The following C12orf42 variants were observed in gnomAD, a reference collection of about 807,000 sequenced individuals.
C12orf42 encodes the protein chromosome 12 open reading frame 42, also known as uncharacterized protein C12orf42.
C12orf42 carries 25 observed loss-of-function variants against 21.6 expected under a neutral mutation model. The ratio of observed to expected loss-of-function variants is 1.16; its 90% CI spans 0.84 to 1.62. C12orf42 has a LOEUF of 1.62. Ranked by LOEUF, C12orf42 falls within the 40% of genes most tolerant of loss-of-function variation. The pLI, the probability that C12orf42 is intolerant of heterozygous loss-of-function variation, is 0.00. For synonymous variants in C12orf42, 174 were observed against 175.0 expected, an observed-to-expected ratio of 0.99 and a Z score of 0.05; for missense variants, 483 against 459.3, an observed-to-expected ratio of 1.05 and a Z score of -0.47.
intron 4 of C12orf42, among the ~76,000 whole-genome samples, chr12:103,323,191 T>C (rs2040354660): frequency 6.6e-6 from 1 of 152,196 alleles, no homozygotes; most frequent in Non-Finnish European, 1.5e-5. Context: ...TTCTGGCCTT[T>C]TCCTGCTGTA....
intron 3 of C12orf42, among the ~76,000 whole-genome samples, chr12:103,400,046 T>C (rs1197980919): frequency 6.6e-6 from 1 of 152,134 alleles, no homozygotes; most frequent in Admixed American, 6.5e-5. Flanking sequence ...ATTTTAAAGA[T>C]ATACATCTTA....
intron 5 of C12orf42, among the ~76,000 whole-genome samples, chr12:103,305,369 A>AATTTT (rs778683515): frequency 5.3e-5 from 8 of 152,300 alleles, no homozygotes; most frequent in East Asian, 3.9e-4. Context: ...ATGTTCAGGA[A>AATTTT]ATTTTATTTA....
chr12:103,323,126 A>G (rs1354055974), intron 4 of C12orf42, among the ~76,000 whole-genome samples: 3 of 152,210 alleles, frequency 2.0e-5, no homozygotes, highest in African/African-American at 7.2e-5. Context: ...ATGCATATAC[A>G]TATATGTATA....
intron 1 of C12orf42, among the ~76,000 whole-genome samples, chr12:103,486,434 C>T (rs1565901949): frequency 6.8e-6 from 1 of 147,182 alleles, no homozygotes; most frequent in East Asian, 2.0e-4. Context: ...CTAAAATTCT[C>T]TTTTTTTTTT....
At chr12:103,215,678 A>G in the C12orf42 span, among the ~76,000 whole-genome samples, 1 of 152,256 alleles carries the variant, frequency 6.6e-6, no homozygotes, top group South Asian at 2.1e-4. Context: ...CAAAGAGGAA[A>G]GCAAGCCAGC....
chr12:103,097,145 G>C, the C12orf42 span, among the ~76,000 whole-genome samples: 1 of 152,066 alleles, frequency 6.6e-6, no homozygotes, highest in Admixed American at 6.6e-5. Context: ...GATATATATT[G>C]AAAATAACTA....
chr12:103,293,557 C>A (rs999254460), intron 4 of C12orf42, among the ~76,000 whole-genome samples: 5 of 152,126 alleles, frequency 3.3e-5, no homozygotes, highest in African/African-American at 1.2e-4. Flanking sequence ...GAACTGATCT[C>A]TCCCTTCTCT....
chr12:103,215,923 G>T, the C12orf42 span, among the ~76,000 whole-genome samples: 1 of 152,202 alleles, frequency 6.6e-6, no homozygotes, highest in Admixed American at 6.5e-5. Flanking sequence ...AATATCTCAA[G>T]TGTCTCCCTC....
chr12:103,134,288 T>A, the C12orf42 span, among the ~76,000 whole-genome samples: 4 of 151,902 alleles, frequency 2.6e-5, no homozygotes, highest in Admixed American at 6.6e-5. Context: ...GAGTCCCAAG[T>A]AAAAAGTTTA....
At chr12:103,252,131 T>C (rs2034338203) in intron 10 of C12orf42, among the ~76,000 whole-genome samples, 2 of 152,184 alleles carry the variant, frequency 1.3e-5, no homozygotes, top group Non-Finnish European at 2.9e-5. Context: ...AAAAATTCTT[T>C]TTTATGGCTG....
intron 2 of C12orf42, among the ~76,000 whole-genome samples, chr12:103,444,606 T>G (rs1347585361): frequency 1.3e-5 from 2 of 152,106 alleles, no homozygotes; most frequent in African/African-American, 4.8e-5. Context: ...CTATCTTCTG[T>G]GGCCATACTC....
chr12:103,051,826 C>T, the C12orf42 span, among the ~76,000 whole-genome samples: 11 of 152,316 alleles, frequency 7.2e-5, no homozygotes, highest in East Asian at 1.7e-3. Context: ...TAGGGACATA[C>T]TCAAGTCTCT....
the C12orf42 span, chr12:103,080,907 C>T: frequency 6.6e-6 from 1 of 152,138 alleles, no homozygotes; most frequent in Non-Finnish European, 1.5e-5. Flanking sequence ...CAACAATTTG[C>T]CCAAAGTCAC....
At chr12:103,330,966 G>T (rs2041192065) in intron 4 of C12orf42, among the ~76,000 whole-genome samples, 1 of 152,150 alleles carries the variant, frequency 6.6e-6, no homozygotes, top group African/African-American at 2.4e-5. Flanking sequence ...TAATCAGGGA[G>T]CCTAGAATGA....
intron 4 of C12orf42, among the ~76,000 whole-genome samples, chr12:103,359,066 C>T (rs2043843863): frequency 6.6e-6 from 1 of 152,086 alleles, no homozygotes; most frequent in Non-Finnish European, 1.5e-5. Context: ...TTTTTAGACA[C>T]ATAAATACAC....
chr12:103,379,419 G>T (rs746384506), intron 3 of C12orf42, among the ~76,000 whole-genome samples: 1 of 152,016 alleles, frequency 6.6e-6, no homozygotes, highest in Non-Finnish European at 1.5e-5. Context: ...ACCATCACAC[G>T]CTTCTAACTA....
intron 10 of C12orf42, among the ~76,000 whole-genome samples, chr12:103,252,946 G>A (rs148962478): frequency 0.011 from 1,709 of 152,040 alleles, 29 homozygotes; most frequent in African/African-American, 0.035. Context: ...TAGGTCTTAC[G>A]TTTAAGTCTT....
the C12orf42 span, among the ~76,000 whole-genome samples, chr12:103,199,135 T>G: frequency 6.6e-6 from 1 of 152,230 alleles, no homozygotes; most frequent in African/African-American, 2.4e-5. Context: ...TGGGACAGAA[T>G]AGAGACCACA....
At chr12:103,213,266 G>T in the C12orf42 span, among the ~76,000 whole-genome samples, 1 of 152,164 alleles carries the variant, frequency 6.6e-6, no homozygotes, top group Non-Finnish European at 1.5e-5. Flanking sequence ...GGAGGAAACT[G>T]ATGCCAGGAG....
Sources: allele counts gnomAD v4.1 joint callset (sites outside exome capture counted in the v4.1 genomes callset), GRCh38; gene constraint gnomAD v4.1.1; transcripts MANE v1.5; gene names NCBI Gene and HGNC (gene_info 2026-07-23, HGNC 2026-07-21).